VPS35L: variants seen among roughly 807,000 people sequenced by gnomAD.
VPS35L encodes the protein VPS35 endosomal protein-sorting factor-like.
A neutral mutation model predicts 133.0 loss-of-function variants in VPS35L; 83 were observed. The observed-to-expected ratio is 0.62, with a 90% CI of 0.52 to 0.75. The LOEUF (loss-of-function observed/expected upper bound fraction) is 0.75, where lower values mean the gene tolerates loss of function less well. VPS35L is among the 30% of genes least tolerant of loss of function. VPS35L has a pLI of 0.00. For missense variants in VPS35L, 1,083 were observed against 1,206.8 expected (o/e 0.90, Z 1.52); for synonymous variants, 423 against 449.9 (o/e 0.94, Z 0.76).
rs187360762 is a variant in VPS35L at position 19,680,853 on chromosome 16, G to A, written c.2362-1372G>A. 5.5e-4 allele frequency among the ~76,000 whole-genome samples: 84 copies of A among 152,164 alleles called. 1 individual carries two copies. In the East Asian group the frequency reaches 0.013, roughly 23 times the overall value. ...GAGCTCAGAGTCAAGGCTCCAGCGA[G>A]CTGTGATTGTGCCACTGTACTGTAG... On this transcript the variant is annotated intron_variant, in intron 27 of 30. Coordinates refer to ENST00000417362, the MANE Select transcript of VPS35L (RefSeq NM_020314.7).
chr16:19,660,219 G>A (rs923202570), intron 26 of VPS35L, among the ~76,000 whole-genome samples: 10 of 152,014 alleles, frequency 6.6e-5, no homozygotes, highest in African/African-American at 1.9e-4. Flanking sequence ...CAGCTACTCG[G>A]GAGGCTAACA....
chr16:19,682,259 G>A lies in VPS35L; in HGVS notation c.2396G>A (p.Arg799Gln), dbSNP rs775621377. The change falls in exon 28 of 31, where the codon CGA (arginine) becomes CAA (glutamine). Residue 799 changes from arginine to glutamine, a missense_variant. Physicochemically the swap from Arg to Gln is conservative, Grantham distance 43. Coordinates refer to ENST00000417362, the MANE Select transcript of VPS35L (RefSeq NM_020314.7). ...GAACATGGGGTCCTGTTTCTTGTTC[G>A]AGAGCTTCTCAACGTGATCCAGGAC... ...HPEHGVLFLV[R>Q]ELLNVIQDYT... 29 of 1,613,742 alleles carry A rather than the reference G, an allele frequency of 1.8e-5. No individual in the cohort carries two copies. In the Middle Eastern group the frequency reaches 1.3e-3, roughly 73 times the overall value.
At chr16:19,665,097 A>G (rs1156829536) in intron 26 of VPS35L, among the ~76,000 whole-genome samples, 1 of 152,126 alleles carries the variant, frequency 6.6e-6, no homozygotes, top group African/African-American at 2.4e-5. Context: ...AGATGTTTTG[A>G]TTCAGGCAGG....
At chr16:19,564,691 G>T (rs226880) in intron 1 of VPS35L, among the ~76,000 whole-genome samples, 160 bp from the exon 2 acceptor site, 2 of 152,248 alleles carry the variant, frequency 1.3e-5, no homozygotes, top group Non-Finnish European at 2.9e-5. Flanking sequence ...GAGCCACTGC[G>T]CCTGGCCAAA....
In VPS35L at chr16:19,590,139, GCCCCCCCCCCC is replaced by G. The variant is rs140785517; in HGVS notation, c.640-1644_640-1634del. Among the ~76,000 whole-genome samples the G allele has an allele frequency of 3.9e-3, 249 of 63,508 alleles. 15 individuals are homozygous for G. Among genetic ancestry groups the G allele is most frequent in the African/African-American group, 0.01 (233 of 23,036 alleles). The allele number at this position is 63,508 out of a possible 152,430, so 41.7% of individuals were successfully genotyped here. On this transcript the variant is annotated intron_variant, in intron 7 of 30. Transcript: ENST00000417362. ...TTTTTACAGCTTACATTCCCGCCCC[GCCCCCCCCCCC>G]CCCCCCACAAATAACATTTGGGCTG... is the stretch of plus-strand genomic sequence containing the variant.
At chr16:19,598,447 C>CT (rs1466026784) in intron 8 of VPS35L, among the ~76,000 whole-genome samples, 2 of 152,092 alleles carry the variant, frequency 1.3e-5, no homozygotes, top group East Asian at 3.8e-4. Flanking sequence ...AGACAAATCA[C>CT]TTTTTTCAGT....
In VPS35L at chr16:19,633,164, TACCC is replaced by T; in HGVS notation, c.1628_1631del (p.Tyr543SerfsTer5). 1 of 1,614,024 alleles carries T rather than the reference TACCC, an allele frequency of 6.2e-7. No individual in the cohort carries two copies. Among genetic ancestry groups the T allele is most frequent in the South Asian group, 1.1e-5 (1 of 91,084 alleles). ...TCCAGATCGTGCATTTGAAGATTCC[TACCC>T]CCAGGTAACAGATTTGCATTTCTCA... On this transcript the variant is annotated frameshift_variant, in exon 19 of 31. Coordinates refer to ENST00000417362, the MANE Select transcript of VPS35L (RefSeq NM_020314.7). LOFTEE classifies it high-confidence loss of function. This position sits in a 1 kb window ranked among gnomAD's most constrained non-coding sequence, Gnocchi z 4.1.
intron 26 of VPS35L, among the ~76,000 whole-genome samples, chr16:19,665,969 ATT>A (rs57671215): frequency 1.1e-3 from 168 of 149,192 alleles, no homozygotes; most frequent in African/African-American, 4.0e-3. Flanking sequence ...TGCCATTTGT[ATT>A]TTTTTTTTTG....
rs191219773 is a variant in VPS35L, at chr16:19,591,194, G to A, written c.640-596G>A. Among the ~76,000 whole-genome samples, 336 of 152,176 alleles carry A rather than the reference G, an allele frequency of 2.2e-3. 2 individuals carry two copies. The highest frequency in any genetic ancestry group is 8.0e-3 in the African/African-American group (332 of 41,532). On this transcript the variant is annotated intron_variant, in intron 7 of 30. Transcript: ENST00000417362. ...TATGAAGCCTTGGGGATTTACTTAT[G>A]GGGTCATTTCTTAGAAAAGAATGTT...
At chr16:19,598,535 G>A (rs1396111132) in intron 8 of VPS35L, among the ~76,000 whole-genome samples, 1 of 152,158 alleles carries the variant, frequency 6.6e-6, no homozygotes, top group East Asian at 1.9e-4. Context: ...TGTAATCCCA[G>A]CACTTTGGGA....
At chr16:19,656,659 A>G (rs1974312275) in intron 26 of VPS35L, among the ~76,000 whole-genome samples, 1 of 152,068 alleles carries the variant, frequency 6.6e-6, no homozygotes, top group African/African-American at 2.4e-5. Flanking sequence ...AAATGGCCTT[A>G]GAGCACTTGG....
intron 26 of VPS35L, among the ~76,000 whole-genome samples, chr16:19,654,402 A>G (rs1043412600): frequency 6.6e-6 from 1 of 151,886 alleles, no homozygotes; most frequent in African/African-American, 2.4e-5. Flanking sequence ...TGTGTAGGTC[A>G]ACATGGAACT....
intron 23 of VPS35L, 22 bp from the exon 24 acceptor site, chr16:19,647,762 G>T: frequency 1.9e-6 from 3 of 1,589,388 alleles, no homozygotes; most frequent in Non-Finnish European, 2.6e-6. Flanking sequence ...GTCCCTTTCA[G>T]CGTCTTTCTC....
At chr16:19,635,109 C>T (rs1331904161) in intron 19 of VPS35L, among the ~76,000 whole-genome samples, 2 of 152,078 alleles carry the variant, frequency 1.3e-5, no homozygotes, top group Non-Finnish European at 2.9e-5. Context: ...GAGGCTGAGG[C>T]AGGAGGATTA....
At chr16:19,610,288 G>A (rs370785519) in intron 11 of VPS35L, 34 bp from the exon 12 acceptor site, 54 of 1,561,988 alleles carry the variant, frequency 3.5e-5, no homozygotes, top group South Asian at 4.5e-5. Context: ...TTCTCACGTC[G>A]AATATAATGC....
chr16:19,569,480 C>G lies in VPS35L; in HGVS notation c.174C>G (p.Ser58=). 2 of 1,572,056 alleles carry G rather than the reference C, an allele frequency of 1.3e-6. No individual in the cohort carries two copies. The highest frequency in any genetic ancestry group is 1.7e-6 in the Non-Finnish European group (2 of 1,157,532). Residue 58 remains serine (S), a synonymous_variant, in exon 3 of 31, where the codon TCC becomes TCG. Transcript: ENST00000417362. ...VNRKGSTSST[S]SSSSSSVVDP... is the part of the protein sequence containing the mutation. ...GGAAAGGAAGCACTTCTTCCACGTC[C>G]TCCTCCTCCTCCAGCTCCGTGGTGG...
chr16:19,573,995 G>A (rs574605498), intron 4 of VPS35L, among the ~76,000 whole-genome samples: 3 of 152,236 alleles, frequency 2.0e-5, no homozygotes, highest in Admixed American at 6.5e-5. Context: ...AGACACTTAC[G>A]AAATTCGAGG....
At chr16:19,584,345 G>A (rs188248420) in intron 7 of VPS35L, among the ~76,000 whole-genome samples, 121 of 151,864 alleles carry the variant, frequency 8.0e-4, no homozygotes, top group Non-Finnish European at 1.2e-3. Flanking sequence ...TTCCCTTTTC[G>A]GCTGGGTGTG....
At chr16:19,665,429 C>G (rs140357364) in intron 26 of VPS35L, among the ~76,000 whole-genome samples, 1 of 152,298 alleles carries the variant, frequency 6.6e-6, no homozygotes, top group African/African-American at 2.4e-5. Flanking sequence ...TGAGAACATG[C>G]AAAGTTTGCC....
Sources: allele counts gnomAD v4.1 joint callset (sites outside exome capture counted in the v4.1 genomes callset), GRCh38; gene constraint gnomAD v4.1.1; non-coding constraint Gnocchi (gnomAD v3.1); transcripts MANE v1.5; gene names NCBI Gene and HGNC (gene_info 2026-07-23, HGNC 2026-07-21).